Variants in EIF2AK3 observed in about 807,000 individuals in gnomAD.
EIF2AK3 encodes the protein eukaryotic translation initiation factor 2 alpha kinase 3.
A neutral mutation model predicts 113.5 loss-of-function variants in EIF2AK3; 50 were observed. The observed-to-expected ratio is 0.44, with a 90% CI of 0.35 to 0.56. The LOEUF is 0.56. Ranked by LOEUF, EIF2AK3 falls within the 20% of genes least tolerant of loss-of-function variation. The pLI, the probability that EIF2AK3 is intolerant of heterozygous loss-of-function variation, is 0.00. For synonymous variants in EIF2AK3, 448 were observed against 495.4 expected (o/e 0.90, Z 1.27); for missense variants, 1,185 against 1,378.0 (o/e 0.86, Z 2.22).
intron 15 of EIF2AK3, among the ~76,000 whole-genome samples, chr2:88,561,851 C>G (rs953914241): frequency 1.3e-5 from 2 of 151,924 alleles, no homozygotes; most frequent in African/African-American, 4.8e-5. Context: ...AGAGCAAGAC[C>G]TTGCCTTGAG....
intron 2 of EIF2AK3, 150 bp from the exon 3 acceptor site, chr2:88,595,813 C>T (rs1675006857): frequency 3.7e-6 from 3 of 801,360 alleles, no homozygotes; most frequent in Non-Finnish European, 6.3e-6. Flanking sequence ...CAGCCTCCTT[C>T]TGAGTAGCAC....
rs1253063852 is a variant in EIF2AK3 at position 88,593,315 on chromosome 2, G to A, written c.724C>T (p.Gln242Ter). The A allele has an allele frequency of 6.2e-7, 1 of 1,613,862 alleles. No individual in the cohort carries two copies. The highest frequency in any genetic ancestry group is 1.7e-5 in the Admixed American group (1 of 59,980). The change falls in exon 4 of 17, where the codon CAA (glutamine) becomes TAA (stop). Residue 242 changes from glutamine to a stop codon, truncating the protein, a stop_gained. Coordinates refer to ENST00000303236, the MANE Select transcript of EIF2AK3 (RefSeq NM_004836.7). LOFTEE classifies it high-confidence loss of function. ...EEDILLLQRT[Q>*]KTVRAVGPRS... is the part of the protein sequence containing the mutation. ...GGTCCGACAGCTCTAACAGTTTTTT[G>A]GGTACGCTGTAGAAGCAGGATGTCT...
intron 14 of EIF2AK3, among the ~76,000 whole-genome samples, chr2:88,564,052 A>G (rs974695255): frequency 8.5e-5 from 13 of 152,210 alleles, no homozygotes; most frequent in Admixed American, 7.2e-4. Flanking sequence ...TAGCCTCATG[A>G]ACGCATGAAA....
chr2:88,605,027 A>G (rs973059143), intron 2 of EIF2AK3, among the ~76,000 whole-genome samples: 8 of 152,182 alleles, frequency 5.3e-5, no homozygotes, highest in Non-Finnish European at 1.0e-4. Context: ...ATTAGGGTTA[A>G]TAAGAATATT....
rs538167071 is a variant in EIF2AK3, at chr2:88,605,145, A to G, written c.438+8579T>C. ...CCAGGGCTGCTTACTTTGAACTTCT[A>G]AGGTAATTTGTATGTGTTTATGTGT... On this transcript the variant is annotated intron_variant, in intron 2 of 16. Coordinates refer to ENST00000303236, the MANE Select transcript of EIF2AK3 (RefSeq NM_004836.7). Among the ~76,000 whole-genome samples, 129 of 152,308 alleles carry G rather than the reference A, an allele frequency of 8.5e-4. 1 individual carries two copies. The highest frequency in any genetic ancestry group is 3.0e-3 in the African/African-American group (123 of 41,586).
intron 10 of EIF2AK3, among the ~76,000 whole-genome samples, chr2:88,582,631 T>C (rs1210732472): frequency 6.6e-6 from 1 of 152,182 alleles, no homozygotes; most frequent in Non-Finnish European, 1.5e-5. Context: ...TAGAAGTATA[T>C]ATATAAAGAT....
chr2:88,620,611 G>A (rs1409943404), intron 1 of EIF2AK3, among the ~76,000 whole-genome samples: 2 of 152,112 alleles, frequency 1.3e-5, no homozygotes, highest in Admixed American at 6.6e-5. Flanking sequence ...AGATCTGTAG[G>A]GGTCCTGGAG....
intron 8 of EIF2AK3, among the ~76,000 whole-genome samples, chr2:88,586,868 A>G (rs1674744001): frequency 6.6e-6 from 1 of 151,430 alleles, no homozygotes. Context: ...CTGGGATTAC[A>G]GGCATGAGCC....
At chr2:88,587,654 C>T (rs956644302) in intron 8 of EIF2AK3, among the ~76,000 whole-genome samples, 5 of 152,110 alleles carry the variant, frequency 3.3e-5, no homozygotes, top group African/African-American at 1.2e-4. Flanking sequence ...ACACTATGTG[C>T]CACGTATGAT....
At chr2:88,616,903 G>C (rs1675600759) in intron 1 of EIF2AK3, among the ~76,000 whole-genome samples, 1 of 152,102 alleles carries the variant, frequency 6.6e-6, no homozygotes. Flanking sequence ...TAAATTCAAA[G>C]TAAAGCCGCA....
chr2:88,604,028 G>A (rs977900981), intron 2 of EIF2AK3, among the ~76,000 whole-genome samples: 1 of 152,002 alleles, frequency 6.6e-6, no homozygotes, highest in Non-Finnish European at 1.5e-5. Flanking sequence ...CATTTCCACT[G>A]TCTCCATCCA....
intron 10 of EIF2AK3, among the ~76,000 whole-genome samples, chr2:88,580,589 A>G (rs1367330970): frequency 1.3e-5 from 2 of 152,142 alleles, no homozygotes; most frequent in Non-Finnish European, 2.9e-5. Flanking sequence ...TTCTCTTTGT[A>G]TTTCCAATGG....
intron 1 of EIF2AK3, among the ~76,000 whole-genome samples, chr2:88,619,810 C>T (rs570167311): frequency 1.3e-5 from 2 of 152,098 alleles, no homozygotes; most frequent in Admixed American, 6.5e-5. Flanking sequence ...AAAAGTAAGC[C>T]GGGTGTGATG....
At chr2:88,621,798 A>G (rs1483237753) in intron 1 of EIF2AK3, among the ~76,000 whole-genome samples, 1 of 152,120 alleles carries the variant, frequency 6.6e-6, no homozygotes, top group African/African-American at 2.4e-5. Flanking sequence ...CATACAATCT[A>G]AGTTTTCAGT....
chr2:88,617,092 T>C (rs1376106223), intron 1 of EIF2AK3, among the ~76,000 whole-genome samples: 6 of 152,150 alleles, frequency 3.9e-5, no homozygotes, highest in Non-Finnish European at 7.3e-5. Flanking sequence ...GAGGTGCTCA[T>C]TGGCATAATG....
At chr2:88,590,778 AG>A (rs777239034) in intron 5 of EIF2AK3, 39 bp downstream of exon 5, 57 of 1,607,942 alleles carry the variant, frequency 3.5e-5, no homozygotes, top group Non-Finnish European at 4.3e-5. Flanking sequence ...AGACTGGGAG[AG>A]GAAGAACCGT....
chr2:88,593,171 G>T, intron 4 of EIF2AK3, 101 bp downstream of exon 4: 1 of 1,417,496 alleles, frequency 7.1e-7, no homozygotes, highest in Non-Finnish European at 9.9e-7. Context: ...TGCTTTTAAG[G>T]CAACAAAATA....
At position 88,574,732 on chromosome 2, in the gene EIF2AK3, G is replaced by A; in HGVS notation, c.2751C>T (p.Ile917=). ...CCACTGCCTCTGCGATCTGCAGGAA[G>A]ATGTGCAGACACACGCTCCTCTCTC... is the stretch of plus-strand genomic sequence containing the variant. ...EERERSVCLH[I]FLQIAEAVEF... is the part of the protein sequence containing the mutation. The change falls in exon 13 of 17, where the codon ATC becomes ATT. Residue 917 remains isoleucine (I), a synonymous_variant. Coordinates refer to ENST00000303236, the MANE Select transcript of EIF2AK3 (RefSeq NM_004836.7). 1 of 1,614,182 alleles carries A rather than the reference G, an allele frequency of 6.2e-7. No homozygotes were observed. Among genetic ancestry groups the A allele is most frequent in the Non-Finnish European group, 8.5e-7 (1 of 1,180,012 alleles).
chr2:88,564,793 C>T (rs886073631), intron 14 of EIF2AK3, among the ~76,000 whole-genome samples: 1 of 152,066 alleles, frequency 6.6e-6, no homozygotes, highest in Non-Finnish European at 1.5e-5. Flanking sequence ...GAAAAAAGAA[C>T]CTCAAAGAGT....
Sources: gnomAD v4.1 joint callset for allele counts (sites outside exome capture counted in the v4.1 genomes callset) on GRCh38, gnomAD v4.1.1 for gene constraint, MANE v1.5 for transcripts, NCBI Gene and HGNC (gene_info 2026-07-23, HGNC 2026-07-21) for gene names.